Variants in PDE4C observed in about 807,000 individuals in gnomAD.
PDE4C encodes 3',5'-cyclic-AMP phosphodiesterase 4C.
In PDE4C, 50 loss-of-function variants were observed where a neutral mutation model predicts 63.9. The observed-to-expected ratio is 0.78, with a 90% CI of 0.62 to 0.99. The LOEUF is 0.99. PDE4C is among the 50% of genes least tolerant of loss of function. The probability of loss-of-function intolerance (pLI) is 0.00; values close to 1 mark genes in which losing one functional copy is unlikely to be tolerated. For synonymous variants in PDE4C, 377 were observed against 385.1 expected (o/e 0.98, Z 0.25); for missense variants, 777 against 899.1 (o/e 0.86, Z 1.74).
chr19:18,220,905 G>C lies in PDE4C; in HGVS notation c.468C>G (p.Asn156Lys), dbSNP rs757717714. The change falls in exon 5 of 15, where the codon AAC becomes AAG. Residue 156 changes from asparagine to lysine, a missense_variant. Coordinates refer to ENST00000262805, the Ensembl canonical transcript of PDE4C. The surrounding 1 kb of genome is among the most constrained non-coding windows in gnomAD (Gnocchi z 5.1). ...GAGGGAGCTGATTGCTGGATGAAGG[G>C]TTTCCGACGGGTCCCTGCCTGCGGT... is the stretch of plus-strand genomic sequence containing the variant. 5.0e-6 allele frequency: 8 copies of C among 1,607,162 alleles called. No homozygotes were observed. In the South Asian group the frequency reaches 9.0e-5, roughly 18 times the overall value.
At chr19:18,224,418 T>A in intron 1 of PDE4C, 1 of 985,568 alleles carries the variant, frequency 1.0e-6, no homozygotes, top group Non-Finnish European at 1.2e-6. Flanking sequence ...TAGGCTCAGA[T>A]CTGGGTAGAG....
intron 1 of PDE4C, among the ~76,000 whole-genome samples, chr19:18,246,899 C>T (rs1969143695): frequency 1.3e-5 from 2 of 152,246 alleles, no homozygotes; most frequent in South Asian, 4.1e-4. Flanking sequence ...TGCACTCCAG[C>T]CTGGGCGACA....
chr19:18,227,415 C>T (rs1205669003), upstream of PDE4C, among the ~76,000 whole-genome samples: 1 of 152,156 alleles, frequency 6.6e-6, no homozygotes, highest in Non-Finnish European at 1.5e-5. Flanking sequence ...GCTGTCTCCT[C>T]CTAGACAAAC....
chr19:18,234,572 C>T (rs145047555), upstream of PDE4C, among the ~76,000 whole-genome samples: 6 of 152,214 alleles, frequency 3.9e-5, no homozygotes, highest in African/African-American at 1.2e-4. Context: ...TTTTGTACTC[C>T]CAGGGTCATG....
upstream of PDE4C, among the ~76,000 whole-genome samples, chr19:18,249,070 G>A (rs1969191778): frequency 6.6e-6 from 1 of 150,880 alleles, no homozygotes; most frequent in African/African-American, 2.4e-5. Flanking sequence ...AGGAGTCAGA[G>A]GCTGCAGTGA....
chr19:18,254,621 T>C, the PDE4C span, among the ~76,000 whole-genome samples: 4 of 152,170 alleles, frequency 2.6e-5, no homozygotes, highest in Non-Finnish European at 5.9e-5. Flanking sequence ...GCAATGAGCA[T>C]TTCAGCAGCC....
chr19:18,246,288 G>A (rs1436305177), intron 1 of PDE4C, among the ~76,000 whole-genome samples: 3 of 149,650 alleles, frequency 2.0e-5, no homozygotes, highest in African/African-American at 7.4e-5. Flanking sequence ...TGCTCAAGCA[G>A]TCCTCCTACC....
At chr19:18,240,676 C>T (rs1022819804) in intron 1 of PDE4C, among the ~76,000 whole-genome samples, 3 of 151,934 alleles carry the variant, frequency 2.0e-5, no homozygotes, top group Non-Finnish European at 4.4e-5. Context: ...TGCAGTGAGC[C>T]GAGATCATGC....
chr19:18,248,896 G>T (rs540674084), upstream of PDE4C, among the ~76,000 whole-genome samples: 1,058 of 152,024 alleles, frequency 7.0e-3, 7 homozygotes, highest in African/African-American at 0.024. Context: ...GTGGTGGCAG[G>T]TGCCTGTAAT....
intron 13 of PDE4C, among the ~76,000 whole-genome samples, chr19:18,212,243 G>T (rs2148002345): frequency 6.6e-6 from 1 of 151,986 alleles, no homozygotes; most frequent in South Asian, 2.1e-4. Context: ...GAGTGCAGTG[G>T]CAAGATCTTG....
intron 1 of PDE4C, among the ~76,000 whole-genome samples, chr19:18,245,647 A>C (rs1969116013): frequency 1.3e-5 from 2 of 151,580 alleles, no homozygotes; most frequent in African/African-American, 4.9e-5. Context: ...GCACTCACCC[A>C]ACCCCACATT....
chr19:18,216,397 C>T (rs933256746), intron 12 of PDE4C, among the ~76,000 whole-genome samples: 2 of 152,058 alleles, frequency 1.3e-5, no homozygotes, highest in Middle Eastern at 3.2e-3. Flanking sequence ...GCCTCAGTCT[C>T]CCAAGTAGCT....
upstream of PDE4C, among the ~76,000 whole-genome samples, chr19:18,237,400 C>T (rs1968969268): frequency 6.6e-6 from 1 of 151,618 alleles, no homozygotes; most frequent in East Asian, 1.9e-4. Flanking sequence ...AAAAATACAA[C>T]ATTAGCCAGG....
rs746756678 is a variant in PDE4C at position 18,221,246 on chromosome 19, GC to G, written c.375+14del. The G allele has an allele frequency of 6.5e-7, 1 of 1,549,582 alleles. No homozygotes were observed. The highest frequency in any genetic ancestry group is 2.4e-5 in the Admixed American group (1 of 42,442). ...TCCGGAGGGGGTCAGGGCAGGGAGG[GC>G]GGGGGACACCCACCTGGGCAAAGGG... On this transcript the variant is annotated intron_variant, in intron 3 of 14. Coordinates refer to ENST00000262805, the Ensembl canonical transcript of PDE4C.
intron 1 of PDE4C, chr19:18,232,886 A>C (rs1406010478): frequency 2.5e-5 from 33 of 1,311,684 alleles, no homozygotes; most frequent in South Asian, 8.6e-5. Context: ...ACCCTCCCCC[A>C]CTCCCGCCAG....
At chr19:18,226,393 G>T (rs1968726708) in exon 1 of PDE4C, 5 of 1,454,272 alleles carry the variant, frequency 3.4e-6, no homozygotes, top group Non-Finnish European at 3.6e-6. Context: ...GGGGACCGGG[G>T]CGGGCGCGGG....
chr19:18,210,940 G>A lies in PDE4C; in HGVS notation c.2032C>T (p.Gln678Ter), dbSNP rs1194981417. The A allele has an allele frequency of 3.1e-6, 5 of 1,607,912 alleles. No individual in the cohort carries two copies. The highest frequency in any genetic ancestry group is 4.3e-6 in the Non-Finnish European group (5 of 1,176,278). Residue 678 changes from glutamine to a stop codon, truncating the protein, a stop_gained, in exon 15 of 15, where the codon CAG becomes TAG. Transcript: ENST00000262805. LOFTEE classifies it high-confidence loss of function. ...ACGCAGGGCTGGCCCTAAGTCCTCT[G>A]GTTGTCGAGGGGTAAGTCCCCAGGG...
intron 11 of PDE4C, 176 bp from the exon 12 acceptor site, chr19:18,217,071 G>C (rs1290803293): frequency 1.6e-6 from 1 of 632,824 alleles, no homozygotes; most frequent in Non-Finnish European, 2.6e-6. Flanking sequence ...GCAGGGCTAG[G>C]GTTGTCTGTG....
chr19:18,222,462 C>T (rs998369012), intron 1 of PDE4C, 139 bp from the exon 2 acceptor site: 1 of 700,412 alleles, frequency 1.4e-6, no homozygotes, highest in Non-Finnish European at 2.4e-6. Context: ...CACCTGCCCC[C>T]AGCTACACCC....
Sources: gnomAD v4.1 joint callset for allele counts (sites outside exome capture counted in the v4.1 genomes callset) on GRCh38, gnomAD v4.1.1 for gene constraint, Gnocchi (gnomAD v3.1) non-coding constraint, MANE v1.5 for transcripts, NCBI Gene and HGNC (gene_info 2026-07-23, HGNC 2026-07-21) for gene names.